AIM2: variants seen among roughly 807,000 people sequenced by gnomAD.
The protein encoded by AIM2 is absent in melanoma 2.
AIM2 carries 30 observed loss-of-function variants against 27.7 expected under a neutral mutation model. That is an observed-to-expected ratio of 1.08 (90% CI 0.81 to 1.47). AIM2 has a LOEUF of 1.47. Ranked by LOEUF, AIM2 falls within the 40% of genes most tolerant of loss-of-function variation. The pLI is 0.00. For missense variants in AIM2, 358 were observed against 411.3 expected (o/e 0.87, Z 1.12); for synonymous variants, 141 against 145.3 (o/e 0.97, Z 0.21).
chr1:159,071,472 CCTT>C (rs1283308763), intron 2 of AIM2, among the ~76,000 whole-genome samples: 10 of 152,200 alleles, frequency 6.6e-5, no homozygotes, highest in African/African-American at 2.4e-4. Context: ...AACTTAACTG[CCTT>C]CTTGTATAGC....
intron 4 of AIM2, among the ~76,000 whole-genome samples, chr1:159,065,248 C>T (rs1253864441): frequency 6.6e-6 from 1 of 152,150 alleles, no homozygotes; most frequent in African/African-American, 2.4e-5. Flanking sequence ...TTATTTCTCA[C>T]TTCTAATAAG....
At chr1:159,124,740 C>T (rs1647638214) in intron 1 of AIM2, among the ~76,000 whole-genome samples, 1 of 152,168 alleles carries the variant, frequency 6.6e-6, no homozygotes, top group African/African-American at 2.4e-5. Flanking sequence ...CCCAGTGTTT[C>T]AGAGGTCCAT....
At chr1:159,095,566 C>A (rs1272265920) in intron 1 of AIM2, among the ~76,000 whole-genome samples, 1 of 152,174 alleles carries the variant, frequency 6.6e-6, no homozygotes, top group Non-Finnish European at 1.5e-5. Flanking sequence ...ATGTTCTGCA[C>A]TTTTTTCTGG....
chr1:159,124,773 T>G (rs1229557625), intron 1 of AIM2, among the ~76,000 whole-genome samples: 1 of 152,050 alleles, frequency 6.6e-6, no homozygotes, highest in Admixed American at 6.6e-5. Flanking sequence ...AGCGCACCTC[T>G]CTCCCCAGCT....
At chr1:159,089,830 C>A (rs1381231578) in intron 1 of AIM2, among the ~76,000 whole-genome samples, 2 of 152,198 alleles carry the variant, frequency 1.3e-5, no homozygotes, top group Non-Finnish European at 2.9e-5. Flanking sequence ...CCTACCTATT[C>A]TATCGGTTTT....
intron 2 of AIM2, among the ~76,000 whole-genome samples, chr1:159,072,802 G>GA (rs1195050924): frequency 6.6e-6 from 1 of 152,052 alleles, no homozygotes; most frequent in Non-Finnish European, 1.5e-5. Context: ...CTGTGTGAAG[G>GA]AAAAAAGGTG....
chr1:159,077,549 G>A (rs191415898), upstream of AIM2, among the ~76,000 whole-genome samples: 1 of 152,198 alleles, frequency 6.6e-6, no homozygotes, highest in African/African-American at 2.4e-5. Flanking sequence ...TGCCTAAGTA[G>A]GAAGTTTGCA....
intron 1 of AIM2, among the ~76,000 whole-genome samples, chr1:159,125,077 G>A (rs1570979044): frequency 1.3e-5 from 2 of 152,324 alleles, no homozygotes; most frequent in South Asian, 2.1e-4. Context: ...TGGCATGCTG[G>A]TTGTGCTGCC....
intron 2 of AIM2, among the ~76,000 whole-genome samples, chr1:159,071,331 G>C (rs1025953437): frequency 6.6e-6 from 1 of 152,170 alleles, no homozygotes; most frequent in Non-Finnish European, 1.5e-5. Context: ...AAGAATGACA[G>C]ATTAACTGTT....
At chr1:159,130,682 A>G (rs1463914141) in intron 1 of AIM2, among the ~76,000 whole-genome samples, 2 of 151,656 alleles carry the variant, frequency 1.3e-5, no homozygotes, top group Admixed American at 1.3e-4. Flanking sequence ...ACAAGCCAAC[A>G]CCATATCACA....
chr1:159,125,883 AC>A (rs1339776799), intron 1 of AIM2, among the ~76,000 whole-genome samples: 1 of 152,110 alleles, frequency 6.6e-6, no homozygotes, highest in Non-Finnish European at 1.5e-5. Flanking sequence ...GATTTCCATG[AC>A]CTTTGTGGAC....
intron 1 of AIM2, chr1:159,132,246 T>C (rs1389661528): frequency 5.4e-5 from 8 of 149,032 alleles, no homozygotes; most frequent in Non-Finnish European, 1.2e-4. Flanking sequence ...CGGGTACCTG[T>C]AATCCCAGCT....
chr1:159,086,091 A>G (rs1656906910), intron 1 of AIM2, among the ~76,000 whole-genome samples: 1 of 152,206 alleles, frequency 6.6e-6, no homozygotes, highest in Non-Finnish European at 1.5e-5. Flanking sequence ...GCTCAGATCT[A>G]GCAAATCCTG....
chr1:159,083,506 T>C (rs1159585742), intron 1 of AIM2, among the ~76,000 whole-genome samples: 3 of 152,196 alleles, frequency 2.0e-5, no homozygotes, highest in Non-Finnish European at 4.4e-5. Flanking sequence ...AATAGTAATA[T>C]ATTAACTGAA....
At chr1:159,099,806 C>T (rs1000149550) in intron 1 of AIM2, among the ~76,000 whole-genome samples, 25 of 151,962 alleles carry the variant, frequency 1.6e-4, no homozygotes, top group Admixed American at 1.1e-3. Context: ...TCTAAGACAA[C>T]GGAGACTCAC....
chr1:159,114,310 T>A (rs1647271073), intron 1 of AIM2, among the ~76,000 whole-genome samples: 1 of 152,178 alleles, frequency 6.6e-6, no homozygotes, highest in Admixed American at 6.5e-5. Context: ...AAACTGAGCC[T>A]GGGAGAAGGC....
At chr1:159,114,884 C>G (rs887864427) in intron 1 of AIM2, among the ~76,000 whole-genome samples, 2 of 152,004 alleles carry the variant, frequency 1.3e-5, no homozygotes, top group Non-Finnish European at 2.9e-5. Flanking sequence ...GAAAAGAGGA[C>G]GTCAAATTGT....
chr1:159,096,450 T>C (rs989446859), intron 1 of AIM2, among the ~76,000 whole-genome samples: 5 of 152,178 alleles, frequency 3.3e-5, no homozygotes, highest in Admixed American at 3.3e-4. Context: ...GTGTCATGTA[T>C]ACCAGGGGAA....
intron 1 of AIM2, among the ~76,000 whole-genome samples, chr1:159,074,107 T>G (rs952589295): frequency 6.6e-6 from 1 of 152,094 alleles, no homozygotes; most frequent in African/African-American, 2.4e-5. Flanking sequence ...TAAAATAGAT[T>G]TATCGAGGCA....
Sources: gnomAD v4.1 joint callset for allele counts (sites outside exome capture counted in the v4.1 genomes callset) on GRCh38, gnomAD v4.1.1 for gene constraint, MANE v1.5 for transcripts, NCBI Gene and HGNC (gene_info 2026-07-23, HGNC 2026-07-21) for gene names.